The following CSMD3 variants were observed in gnomAD, a reference collection of about 807,000 sequenced individuals.
CSMD3 encodes CUB and sushi domain-containing protein 3.
Under a neutral mutation model 435.2 loss-of-function variants are expected in CSMD3, and 177 were observed. That is an observed-to-expected ratio of 0.41 (90% CI 0.36 to 0.46). The LOEUF is 0.46. Ranked by LOEUF, CSMD3 falls within the 20% of genes least tolerant of loss-of-function variation. The pLI is 0.34. For synonymous variants in CSMD3, 1,656 were observed against 1,520.5 expected (o/e 1.09, Z -2.07); for missense variants, 4,265 against 4,504.6 (o/e 0.95, Z 1.52).
At chr8:113,003,266 GATAA>G (rs558235707) in intron 6 of CSMD3, among the ~76,000 whole-genome samples, 6 of 151,460 alleles carry the variant, frequency 4.0e-5, no homozygotes, top group Non-Finnish European at 7.4e-5. Flanking sequence ...TAAATAAATA[GATAA>G]ATAAATAAAT....
intron 23 of CSMD3, among the ~76,000 whole-genome samples, chr8:112,580,898 G>T (rs978964531): frequency 2.6e-5 from 4 of 152,046 alleles, no homozygotes; most frequent in Non-Finnish European, 5.9e-5. Context: ...ATACAGAATT[G>T]ACTGAGTTTA....
At chr8:113,234,253 C>A (rs1477427966) in intron 3 of CSMD3, among the ~76,000 whole-genome samples, 1 of 152,092 alleles carries the variant, frequency 6.6e-6, no homozygotes, top group African/African-American at 2.4e-5. Context: ...AAATTAATCA[C>A]CAGTTAAATT....
chr8:112,420,571 T>TA (rs1419482420), intron 32 of CSMD3, among the ~76,000 whole-genome samples: 1 of 152,140 alleles, frequency 6.6e-6, no homozygotes, highest in Non-Finnish European at 1.5e-5. Flanking sequence ...TTTTAATATA[T>TA]AAAATCTATA....
At chr8:112,565,547 A>T (rs1828992485) in intron 24 of CSMD3, among the ~76,000 whole-genome samples, 1 of 152,146 alleles carries the variant, frequency 6.6e-6, no homozygotes, top group Admixed American at 6.6e-5. Context: ...AATGATTTCA[A>T]GCAACAAAAC....
At chr8:112,362,678 T>C (rs967286236) in intron 38 of CSMD3, among the ~76,000 whole-genome samples, 4 of 127,238 alleles carry the variant, frequency 3.1e-5, no homozygotes, top group Non-Finnish European at 7.2e-5. Flanking sequence ...GAGAGGAGTT[T>C]GATTTGACAG....
chr8:113,314,411 A>T, intron 2 of CSMD3, 160 bp downstream of exon 2: 1 of 622,634 alleles, frequency 1.6e-6, no homozygotes, highest in East Asian at 2.8e-5. Flanking sequence ...ACACCAAGCT[A>T]ATTTGTTCAT....
chr8:113,156,709 T>TG (rs1239627779), intron 4 of CSMD3, among the ~76,000 whole-genome samples: 2 of 149,026 alleles, frequency 1.3e-5, no homozygotes, highest in African/African-American at 2.5e-5. Context: ...GAGACCAGCT[T>TG]GGGAAACATG....
At chr8:113,431,730 C>T (rs2094674589) in intron 1 of CSMD3, among the ~76,000 whole-genome samples, 1 of 151,358 alleles carries the variant, frequency 6.6e-6, no homozygotes, top group Non-Finnish European at 1.5e-5. Context: ...TTTTTTTCCG[C>T]ACATGAGTAC....
chr8:112,556,655 G>T, intron 25 of CSMD3, 108 bp downstream of exon 25: 3 of 799,434 alleles, frequency 3.8e-6, no homozygotes, highest in South Asian at 1.6e-5. Flanking sequence ...TTAATTTCTC[G>T]ATATAAAGTG....
chr8:112,757,411 T>C (rs1004982251), intron 13 of CSMD3, among the ~76,000 whole-genome samples: 1 of 152,096 alleles, frequency 6.6e-6, no homozygotes, highest in African/African-American at 2.4e-5. Flanking sequence ...TATGTAATAT[T>C]GAAAAACTAA....
At chr8:112,396,874 A>G (rs1267362005) in intron 35 of CSMD3, among the ~76,000 whole-genome samples, 3 of 152,144 alleles carry the variant, frequency 2.0e-5, no homozygotes, top group Non-Finnish European at 4.4e-5. Context: ...TTTAGATAGG[A>G]TGGCCAAGAA....
At chr8:112,358,872 T>A (rs779449904) in intron 38 of CSMD3, among the ~76,000 whole-genome samples, 2 of 152,120 alleles carry the variant, frequency 1.3e-5, no homozygotes, top group Non-Finnish European at 2.9e-5. Flanking sequence ...AGTAAACCTA[T>A]GTAATAAACA....
chr8:112,969,249 G>A (rs544311521), intron 7 of CSMD3, among the ~76,000 whole-genome samples: 5 of 151,932 alleles, frequency 3.3e-5, no homozygotes, highest in African/African-American at 1.2e-4. Flanking sequence ...GAGCTTACTT[G>A]AAAACAATAT....
intron 10 of CSMD3, among the ~76,000 whole-genome samples, chr8:112,900,841 T>C (rs1251092580): frequency 3.3e-5 from 5 of 151,180 alleles, no homozygotes; most frequent in African/African-American, 1.2e-4. Context: ...CAATAAATGG[T>C]CCTCCACTTT....
Position 112,369,972 on chromosome 8 carries a change from A to G in CSMD3, c.6136+10380T>C, listed in dbSNP as rs12678362. 1.6e-5 allele frequency among the ~76,000 whole-genome samples: 2 copies of G among 123,538 alleles called. 1 individual carries two copies. The highest frequency in any genetic ancestry group is 3.6e-5 in the Non-Finnish European group (2 of 55,510). 81.0% of individuals were successfully genotyped at this position (123,538 alleles called of 152,430 possible). ...AGGGGGAGGAGGAGGAGGAAGAAGA[A>G]GAAGAAGAGAAAGAGGAAGAGGAAG... is the stretch of plus-strand genomic sequence containing the variant. On this transcript the variant is annotated intron_variant, in intron 38 of 70. Coordinates refer to ENST00000297405, the MANE Select transcript of CSMD3 (RefSeq NM_198123.2).
intron 1 of CSMD3, among the ~76,000 whole-genome samples, chr8:113,360,731 G>C (rs1289036122): frequency 6.6e-6 from 1 of 151,516 alleles, no homozygotes; most frequent in Non-Finnish European, 1.5e-5. Flanking sequence ...CCGCTACCAC[G>C]CCCGGCTAAT....
At chr8:112,398,031 C>T (rs1830998441) in intron 35 of CSMD3, among the ~76,000 whole-genome samples, 1 of 152,152 alleles carries the variant, frequency 6.6e-6, no homozygotes, top group South Asian at 2.1e-4. Context: ...ATCAAACAAA[C>T]TATCTACTTT....
At chr8:113,053,678 G>A (rs2088194377) in intron 5 of CSMD3, among the ~76,000 whole-genome samples, 1 of 152,000 alleles carries the variant, frequency 6.6e-6, no homozygotes, top group Admixed American at 6.6e-5. Flanking sequence ...ATTACTATAT[G>A]CACTGTCCTA....
intron 14 of CSMD3, among the ~76,000 whole-genome samples, chr8:112,688,958 C>A (rs1014251964): frequency 1.3e-5 from 2 of 151,886 alleles, no homozygotes; most frequent in African/African-American, 2.4e-5. Context: ...AGTATTAAGC[C>A]AACGTTGTCC....
Sources: allele counts gnomAD v4.1 joint callset (sites outside exome capture counted in the v4.1 genomes callset), GRCh38; gene constraint gnomAD v4.1.1; transcripts MANE v1.5; gene names NCBI Gene and HGNC (gene_info 2026-07-23, HGNC 2026-07-21).